The following SARNP variants were observed in gnomAD, a reference collection of about 807,000 sequenced individuals.
The protein encoded by SARNP is SAP domain containing ribonucleoprotein.
In SARNP, 5 loss-of-function variants were observed where a neutral mutation model predicts 38.1. The ratio of observed to expected loss-of-function variants is 0.13; its 90% CI spans 0.07 to 0.28. SARNP has a LOEUF of 0.28. Among genes scored for constraint, SARNP ranks in the 10% least tolerant of loss-of-function variants. The pLI is 1.00. For missense variants in SARNP, 180 were observed against 243.9 expected (o/e 0.74, Z 1.75); for synonymous variants, 84 against 80.6 (o/e 1.04, Z -0.23).
In SARNP at chr12:55,803,731, G is replaced by A; in HGVS notation, c.37-3C>T. 6.2e-7 allele frequency: 1 copy of A among 1,609,560 alleles called. No individual in the cohort carries two copies. Among genetic ancestry groups the A allele is most frequent in the Non-Finnish European group, 8.5e-7 (1 of 1,176,662 alleles). ...CATTCTTGCTTTAGTTCGGCAAGCT[G>A]AGGGGAAAAAAATAAAACTTTTCCT... On this transcript the variant is annotated splice_polypyrimidine_tract_variant and splice_region_variant and intron_variant, in intron 1 of 10. Coordinates refer to ENST00000336133, the MANE Select transcript of SARNP (RefSeq NM_033082.4).
intron 9 of SARNP, among the ~76,000 whole-genome samples, chr12:55,772,610 T>A (rs1409994553): frequency 6.6e-6 from 1 of 151,590 alleles, no homozygotes; most frequent in East Asian, 1.9e-4. Flanking sequence ...CTATTAAAAG[T>A]CCCCATCTCC....
chr12:55,774,926 G>T (rs1405138101), intron 9 of SARNP, among the ~76,000 whole-genome samples: 2 of 127,460 alleles, frequency 1.6e-5, no homozygotes, highest in African/African-American at 3.1e-5. Context: ...TCGCTCTGTC[G>T]CCCAGACTGG....
intron 1 of SARNP, among the ~76,000 whole-genome samples, chr12:55,806,337 T>A (rs541834713): frequency 9.2e-5 from 14 of 151,578 alleles, no homozygotes; most frequent in Admixed American, 7.9e-4. Flanking sequence ...TACAGTGGCA[T>A]GATCTCGGCT....
chr12:55,786,518 C>T (rs530864875), intron 9 of SARNP, among the ~76,000 whole-genome samples: 66 of 152,254 alleles, frequency 4.3e-4, no homozygotes, highest in Admixed American at 1.6e-3. Context: ...GGCGCAATCT[C>T]GGCTCACCGC....
chr12:55,768,412 G>A (rs903501237), intron 9 of SARNP, among the ~76,000 whole-genome samples: 2 of 151,270 alleles, frequency 1.3e-5, no homozygotes, highest in Non-Finnish European at 2.9e-5. Context: ...TTACAGGCAT[G>A]AGCCACCGTG....
chr12:55,780,439 G>A lies in SARNP; in HGVS notation c.501+8636C>T, dbSNP rs566116641. The stretch of plus-strand genomic sequence containing the variant: ...ACTGCATTCCAGCCTGGGCAACAGA[G>A]CAACTCTGTCTCAAAAAATGAAAAA... On this transcript the variant is annotated intron_variant, in intron 9 of 10. Coordinates refer to ENST00000336133, the MANE Select transcript of SARNP (RefSeq NM_033082.4). 1.3e-4 allele frequency among the ~76,000 whole-genome samples: 19 copies of A among 151,860 alleles called. No individual in the cohort carries two copies. In the South Asian group the frequency reaches 2.7e-3, roughly 22 times the overall value.
chr12:55,810,791 C>A (rs891222335), intron 1 of SARNP, among the ~76,000 whole-genome samples: 1 of 151,108 alleles, frequency 6.6e-6, no homozygotes, highest in African/African-American at 2.4e-5. Flanking sequence ...ATCTTTTTCA[C>A]GTTGGCCAGG....
chr12:55,754,836 GAGCT>G (rs1205669270), downstream of SARNP: 1 of 152,210 alleles, frequency 6.6e-6, no homozygotes, highest in Non-Finnish European at 1.5e-5. Context: ...CAGGGTCTCA[GAGCT>G]AGTGTGGTAG....
chr12:55,788,402 TCTC>T (rs1363035793), intron 9 of SARNP, among the ~76,000 whole-genome samples: 1 of 152,178 alleles, frequency 6.6e-6, no homozygotes, highest in African/African-American at 2.4e-5. Context: ...AAGACTGTCT[TCTC>T]CTGATTATTT....
chr12:55,780,532 T>C (rs1167324661), intron 9 of SARNP, among the ~76,000 whole-genome samples: 2 of 152,034 alleles, frequency 1.3e-5, no homozygotes, highest in Admixed American at 1.3e-4. Flanking sequence ...TAGCTGGGCA[T>C]AGTGGCACAT....
chr12:55,813,048 T>C (rs1032482251), intron 1 of SARNP, among the ~76,000 whole-genome samples: 5 of 151,968 alleles, frequency 3.3e-5, no homozygotes, highest in Admixed American at 6.6e-5. Flanking sequence ...TGGGTTCAAG[T>C]GATTCTCCTG....
At chr12:55,794,258 A>G (rs746821500) in intron 7 of SARNP, 101 bp downstream of exon 7, 11 of 1,050,646 alleles carry the variant, frequency 1.0e-5, no homozygotes, top group Non-Finnish European at 1.6e-5. Context: ...AAGAGTTTCT[A>G]CAGCTAGCAA....
chr12:55,793,323 A>G (rs1432497867), intron 7 of SARNP: 2 of 152,212 alleles, frequency 1.3e-5, no homozygotes, highest in African/African-American at 4.8e-5. Flanking sequence ...CAAAAGTGAT[A>G]CATATTCATT....
chr12:55,817,185 G>C (rs185114962), intron 1 of SARNP, among the ~76,000 whole-genome samples: 14 of 152,212 alleles, frequency 9.2e-5, no homozygotes, highest in African/African-American at 3.4e-4. Context: ...AAAGGGGAGT[G>C]GAAGTATTTT....
chr12:55,753,653 C>T (rs893480763), downstream of SARNP: 5 of 151,770 alleles, frequency 3.3e-5, no homozygotes, highest in African/African-American at 1.2e-4. Context: ...GCCTGTAATC[C>T]CAGCTACATG....
intron 2 of SARNP, among the ~76,000 whole-genome samples, chr12:55,802,201 G>C (rs1470846625): frequency 3.3e-5 from 5 of 151,986 alleles, no homozygotes; most frequent in African/African-American, 1.2e-4. Context: ...GAGCAATTCT[G>C]GAAAATAATT....
At chr12:55,761,873 T>A (rs535605315) in intron 9 of SARNP, 6 of 152,264 alleles carry the variant, frequency 3.9e-5, no homozygotes, top group African/African-American at 1.2e-4. Flanking sequence ...TATAAAAAGA[T>A]CTCATTCTCT....
At chr12:55,778,974 G>A (rs1341099321) in intron 9 of SARNP, among the ~76,000 whole-genome samples, 2 of 151,878 alleles carry the variant, frequency 1.3e-5, no homozygotes, top group Admixed American at 1.3e-4. Flanking sequence ...GTCTCAAAAA[G>A]CAAAGCAAAA....
chr12:55,803,009 A>G (rs1880028943), intron 2 of SARNP, among the ~76,000 whole-genome samples: 1 of 152,162 alleles, frequency 6.6e-6, no homozygotes, highest in Admixed American at 6.5e-5. Context: ...CAATTATATA[A>G]ATGAAAACAT....
Sources: gnomAD v4.1 joint callset for allele counts (sites outside exome capture counted in the v4.1 genomes callset) on GRCh38, gnomAD v4.1.1 for gene constraint, MANE v1.5 for transcripts, NCBI Gene and HGNC (gene_info 2026-07-23, HGNC 2026-07-21) for gene names.